ESRRG: variants seen among roughly 807,000 people sequenced by gnomAD.
The protein encoded by ESRRG is estrogen related receptor gamma.
ESRRG carries 13 observed loss-of-function variants against 44.0 expected under a neutral mutation model. The observed-to-expected ratio is 0.30, with a 90% CI of 0.19 to 0.47. ESRRG has a LOEUF of 0.47. Among genes scored for constraint, ESRRG ranks in the 20% least tolerant of loss-of-function variants. ESRRG has a pLI of 1.00. For synonymous variants in ESRRG, 215 were observed against 214.6 expected (o/e 1.00, Z -0.02); for missense variants, 395 against 580.6 (o/e 0.68, Z 3.29).
intron 1 of ESRRG, among the ~76,000 whole-genome samples, chr1:216,975,611 C>T (rs2072713919): frequency 6.6e-6 from 1 of 152,218 alleles, no homozygotes; most frequent in Non-Finnish European, 1.5e-5. Flanking sequence ...TAAAAAGACA[C>T]TCAGAATTCT....
At position 216,904,858 on chromosome 1, in the gene ESRRG, A is replaced by G. The variant is rs116808643; in HGVS notation, c.-14+34724T>C. 1.9e-3 allele frequency among the ~76,000 whole-genome samples: 286 copies of G among 152,306 alleles called. 1 individual carries two copies. The highest frequency in any genetic ancestry group is 6.7e-3 in the African/African-American group (279 of 41,572). ...GATCTTTGCACTGAACAGTGATAAGAAGAATGCACGAAACAGAAAGTTACC... is the reference window on the plus strand; with the variant it reads ...GATCTTTGCACTGAACAGTGATAAGGAGAATGCACGAAACAGAAAGTTACC... On this transcript the variant is annotated intron_variant, in intron 2 of 7. Coordinates refer to the ESRRG transcript ENST00000359162.
chr1:217,122,020 T>C (rs993611493), intron 1 of ESRRG, among the ~76,000 whole-genome samples: 2 of 152,170 alleles, frequency 1.3e-5, no homozygotes, highest in African/African-American at 4.8e-5. Context: ...AGGTTAACTA[T>C]GCAAATGACA....
intron 6 of ESRRG, among the ~76,000 whole-genome samples, chr1:216,510,400 C>T (rs1272476245): frequency 6.6e-6 from 1 of 152,116 alleles, no homozygotes; most frequent in East Asian, 1.9e-4. Flanking sequence ...TTTATCAAAA[C>T]TTCCAATATT....
At chr1:216,723,580 G>A (rs2086850818), upstream of ESRRG, 2 of 448,634 alleles carry the variant, frequency 4.5e-6, no homozygotes, top group Non-Finnish European at 8.0e-6. Flanking sequence ...GCTGCACGGA[G>A]CGAGAGGAGC....
chr1:217,074,524 T>C (rs567327866), intron 1 of ESRRG, among the ~76,000 whole-genome samples: 3 of 151,664 alleles, frequency 2.0e-5, no homozygotes, highest in African/African-American at 4.8e-5. Context: ...AATATAAATA[T>C]TACTTTTGGT....
chr1:217,105,293 C>T (rs887928622), intron 1 of ESRRG, among the ~76,000 whole-genome samples: 1 of 152,218 alleles, frequency 6.6e-6, no homozygotes, highest in Non-Finnish European at 1.5e-5. Flanking sequence ...TTATATGTTA[C>T]ACTGTTAGTG....
chr1:216,985,850 GC>G (rs1227429655), intron 1 of ESRRG: 4 of 152,110 alleles, frequency 2.6e-5, no homozygotes, highest in Non-Finnish European at 4.4e-5. Context: ...GAATTAGAAA[GC>G]AAAAAGCTAA....
At chr1:217,118,604 CA>C (rs1229283137) in intron 1 of ESRRG, among the ~76,000 whole-genome samples, 2 of 152,218 alleles carry the variant, frequency 1.3e-5, no homozygotes, top group Admixed American at 1.3e-4. Flanking sequence ...ATCACACATG[CA>C]AAAAGAATGC....
rs551509209 is a variant in ESRRG, at chr1:216,804,254, T to C, written c.-13-126763A>G. On this transcript the variant is annotated intron_variant, in intron 2 of 7. Coordinates refer to the ESRRG transcript ENST00000359162. ...CATTCAGGTGTAGCATGGAAAAGCC[T>C]AACAACCCCGGGCCGGCAGCCAAGC... Among the ~76,000 whole-genome samples the C allele has an allele frequency of 2.6e-5, 4 of 152,228 alleles. No homozygotes were observed. In the South Asian group the frequency reaches 6.2e-4, roughly 24 times the overall value.
chr1:216,999,027 G>T (rs1383687366), intron 1 of ESRRG, among the ~76,000 whole-genome samples: 2 of 152,156 alleles, frequency 1.3e-5, no homozygotes, highest in Non-Finnish European at 2.9e-5. Flanking sequence ...TATTTCTTGT[G>T]ATTATTTGTG....
intron 3 of ESRRG, among the ~76,000 whole-genome samples, chr1:216,599,219 C>T (rs571336381): frequency 5.9e-5 from 9 of 152,174 alleles, no homozygotes; most frequent in African/African-American, 1.9e-4. Context: ...TAACCAGAGA[C>T]ACAAGAGATG....
At chr1:216,781,317 G>T (rs1359901160) in intron 2 of ESRRG, among the ~76,000 whole-genome samples, 1 of 151,950 alleles carries the variant, frequency 6.6e-6, no homozygotes, top group Non-Finnish European at 1.5e-5. Flanking sequence ...CTTTGCTGGA[G>T]AGTAAGGCCA....
chr1:216,662,204 G>T (rs1367300025), intron 2 of ESRRG, among the ~76,000 whole-genome samples: 1 of 152,124 alleles, frequency 6.6e-6, no homozygotes, highest in Non-Finnish European at 1.5e-5. Context: ...AAGTGCCCAG[G>T]TAATGGTTCT....
chr1:216,938,016 T>C (rs1164566018), intron 2 of ESRRG, among the ~76,000 whole-genome samples: 1 of 152,116 alleles, frequency 6.6e-6, no homozygotes, highest in African/African-American at 2.4e-5. Flanking sequence ...TAAAATTAAT[T>C]CCTCTTCAGC....
chr1:216,860,703 T>A (rs1001758471), intron 2 of ESRRG, among the ~76,000 whole-genome samples: 3 of 152,154 alleles, frequency 2.0e-5, no homozygotes, highest in Non-Finnish European at 2.9e-5. Flanking sequence ...CTGAAATGAT[T>A]CATCGCAAGC....
intron 1 of ESRRG, among the ~76,000 whole-genome samples, chr1:217,079,178 T>A (rs2091553706): frequency 6.6e-6 from 1 of 152,228 alleles, no homozygotes; most frequent in Admixed American, 6.5e-5. Flanking sequence ...GGGCGGCTGC[T>A]AGTGGCAGTA....
chr1:216,965,991 T>A (rs2070258605), intron 1 of ESRRG, among the ~76,000 whole-genome samples: 1 of 152,222 alleles, frequency 6.6e-6, no homozygotes. Flanking sequence ...CCTGAAAGTC[T>A]GCATTTCTAA....
At chr1:216,627,959 G>A (rs2063472455) in intron 3 of ESRRG, among the ~76,000 whole-genome samples, 1 of 152,150 alleles carries the variant, frequency 6.6e-6, no homozygotes, top group Non-Finnish European at 1.5e-5. Flanking sequence ...GCATGGGTAT[G>A]ATTCTCTGGA....
At chr1:217,006,660 T>G (rs1432446995) in intron 1 of ESRRG, among the ~76,000 whole-genome samples, 3 of 152,174 alleles carry the variant, frequency 2.0e-5, no homozygotes, top group Non-Finnish European at 4.4e-5. Flanking sequence ...AAAATTCATT[T>G]ATGTTTCTAA....
Sources: allele counts gnomAD v4.1 joint callset (sites outside exome capture counted in the v4.1 genomes callset), GRCh38; gene constraint gnomAD v4.1.1; transcripts MANE v1.5; gene names NCBI Gene and HGNC (gene_info 2026-07-23, HGNC 2026-07-21).